Variants in AHCTF1 observed in about 807,000 individuals in gnomAD.
The protein encoded by AHCTF1 is protein ELYS.
A neutral mutation model predicts 248.4 loss-of-function variants in AHCTF1; 24 were observed. That is an observed-to-expected ratio of 0.10 (90% CI 0.07 to 0.14). AHCTF1 has a LOEUF of 0.14. Ranked by LOEUF, AHCTF1 falls within the 10% of genes least tolerant of loss-of-function variation. The pLI is 1.00. For synonymous variants in AHCTF1, 786 were observed against 929.8 expected, an observed-to-expected ratio of 0.85 and a Z score of 2.81; for missense variants, 2,206 against 2,636.2, an observed-to-expected ratio of 0.84 and a Z score of 3.57.
intron 24 of AHCTF1, 129 bp downstream of exon 24, chr1:246,875,908 A>G (rs1662923481): frequency 2.3e-6 from 2 of 875,244 alleles, no homozygotes; most frequent in Admixed American, 3.2e-5. Flanking sequence ...GAACCAAACC[A>G]GCAATATCTC....
chr1:246,894,756 G>A lies in AHCTF1; in HGVS notation c.1715-8C>T, dbSNP rs1664448585. On this transcript the variant is annotated splice_region_variant and splice_polypyrimidine_tract_variant and intron_variant, in intron 13 of 35. Transcript: ENST00000648844. ...TGGCAGAATTTGGTTGTTCTTATTTGTAAATACAAAAGGGAAAAAATAAAG... is the reference window on the plus strand; with the variant it reads ...TGGCAGAATTTGGTTGTTCTTATTTATAAATACAAAAGGGAAAAAATAAAG... 1 of 1,609,440 alleles carries A rather than the reference G, an allele frequency of 6.2e-7. No homozygotes were observed. The highest frequency in any genetic ancestry group is 8.5e-7 in the Non-Finnish European group (1 of 1,175,998).
At chr1:246,885,364 A>G in intron 21 of AHCTF1, 129 bp downstream of exon 21, 1 of 694,960 alleles carries the variant, frequency 1.4e-6, no homozygotes, top group Non-Finnish European at 2.3e-6. Flanking sequence ...TTTGATGCAG[A>G]ACCCACTAAT....
At chr1:246,920,004 G>C (rs187607280) in intron 1 of AHCTF1, among the ~76,000 whole-genome samples, 1 of 151,296 alleles carries the variant, frequency 6.6e-6, no homozygotes, top group African/African-American at 2.4e-5. Context: ...TTAGCCGGGC[G>C]TGGAGGCATA....
chr1:246,861,240 G>A lies in AHCTF1; in HGVS notation c.3791C>T (p.Pro1264Leu). 2 of 1,613,120 alleles carry A rather than the reference G, an allele frequency of 1.2e-6. No homozygotes were observed. The highest frequency in any genetic ancestry group is 8.5e-7 in the Non-Finnish European group (1 of 1,179,578). ...VFTTPKKCAV[P>L]VETEWLKSKD... is the part of the protein sequence containing the mutation. The stretch of plus-strand genomic sequence containing the variant: ...GCTCTTCAGCCATTCAGTTTCCACT[G>A]GAACTGCACATTTTTTAGGTGTAGT... The change falls in exon 29 of 36, where the codon CCA (proline) becomes CTA (leucine). Residue 1264 changes from proline (P) to leucine (L), a missense_variant. Physicochemically the swap from Pro to Leu is moderately conservative, Grantham distance 98 (BLOSUM62 -3). Transcript: ENST00000648844.
At chr1:246,875,536 T>G (rs1233062555) in intron 24 of AHCTF1, among the ~76,000 whole-genome samples, 1 of 152,190 alleles carries the variant, frequency 6.6e-6, no homozygotes, top group Non-Finnish European at 1.5e-5. Flanking sequence ...TATCAAATGG[T>G]ATCACATGCT....
intron 3 of AHCTF1, among the ~76,000 whole-genome samples, chr1:246,914,294 C>T (rs1290000806): frequency 6.6e-6 from 1 of 152,208 alleles, no homozygotes; most frequent in African/African-American, 2.4e-5. Context: ...TAAAACACTT[C>T]TAGTCCCAGG....
chr1:246,931,309 A>C (rs1423250886), intron 1 of AHCTF1: 11 of 1,546,802 alleles, frequency 7.1e-6, no homozygotes, highest in Admixed American at 3.9e-5. Context: ...GCGAACCACC[A>C]GCGCCGCTCC....
At chr1:246,845,055 G>T (rs759700229) in intron 33 of AHCTF1, among the ~76,000 whole-genome samples, 1 of 152,154 alleles carries the variant, frequency 6.6e-6, no homozygotes, top group Non-Finnish European at 1.5e-5. Flanking sequence ...AGGGTAGGTG[G>T]TAAGTGCTCT....
chr1:246,875,924 C>T (rs1662925085), intron 24 of AHCTF1, 113 bp downstream of exon 24: 5 of 973,406 alleles, frequency 5.1e-6, no homozygotes, highest in African/African-American at 1.7e-5. Context: ...ATCTCCAAGG[C>T]ATGCCTGTAT....
At chr1:246,892,331 T>G (rs1359885330) in intron 14 of AHCTF1, among the ~76,000 whole-genome samples, 4 of 91,962 alleles carry the variant, frequency 4.3e-5, no homozygotes, top group African/African-American at 2.2e-4. Context: ...TTTTTTTTTT[T>G]GGAGACAGCA....
At position 246,857,964 on chromosome 1, in the gene AHCTF1, C is replaced by CTTCTTT. The variant is rs111386980; in HGVS notation, c.4133-151_4133-150insAAAGAA. The stretch of plus-strand genomic sequence containing the variant: ...GTTATCAGACTGCTAACACTTTCTT[C>CTTCTTT]TTTTTTTTTTTTTGAGATGGAGTCT... On this transcript the variant is annotated intron_variant, in intron 29 of 35. Transcript: ENST00000648844. The CTTCTTT allele has an allele frequency of 1.9e-3, 927 of 490,972 alleles. 7 individuals are homozygous for CTTCTTT. Among genetic ancestry groups the CTTCTTT allele is most frequent in the Middle Eastern group, 2.4e-3 (4 of 1,636 alleles). The allele number at this position is 490,972 out of a possible 1,614,324, so 30.4% of individuals were successfully genotyped here.
intron 4 of AHCTF1, among the ~76,000 whole-genome samples, chr1:246,908,680 G>T (rs1665566589): frequency 6.8e-6 from 1 of 146,980 alleles, no homozygotes; most frequent in Admixed American, 6.8e-5. Flanking sequence ...AAGGTCAGGA[G>T]ATTGAGACCA....
At chr1:246,855,653 T>C (rs1309313115) in intron 31 of AHCTF1, 77 bp downstream of exon 31, 1 of 1,154,938 alleles carries the variant, frequency 8.7e-7, no homozygotes, top group African/African-American at 1.6e-5. Flanking sequence ...AATAGATTAT[T>C]TTGTTCTAAG....
Position 246,902,729 on chromosome 1 carries a change from CTAAAAT to C in AHCTF1, c.967-60_967-55del, listed in dbSNP as rs1665094261. 123 of 1,450,416 alleles carry C rather than the reference CTAAAAT, an allele frequency of 8.5e-5. 1 individual carries two copies. The South Asian group carries it at 1.8e-3, about 21-fold the overall frequency. The allele number at this position is 1,450,416 out of a possible 1,614,324, so 89.8% of individuals were successfully genotyped here. A position where few individuals can be genotyped will look rare whatever the true frequency, so the allele number is the denominator to read the frequency against. On this transcript the variant is annotated intron_variant, in intron 7 of 35. Transcript: ENST00000648844. Reference sequence around the variant, plus strand: ...ATCTGATTCTAGGCAAAAAGTCACTCTAAAATTAAATATTCTCCAAATTTAAAGATT... The same window carrying C: ...ATCTGATTCTAGGCAAAAAGTCACTCTAAATATTCTCCAAATTTAAAGATT...
At chr1:246,847,555 G>A (rs947973616) in intron 33 of AHCTF1, among the ~76,000 whole-genome samples, 3 of 151,986 alleles carry the variant, frequency 2.0e-5, no homozygotes, top group Admixed American at 6.6e-5. Flanking sequence ...TGGAGTGCAG[G>A]GGCACACGAT....
At chr1:246,881,115 C>G (rs1228001838) in intron 21 of AHCTF1, among the ~76,000 whole-genome samples, 2 of 152,066 alleles carry the variant, frequency 1.3e-5, no homozygotes, top group African/African-American at 4.8e-5. Flanking sequence ...CCACTGATTT[C>G]TAGTGACTGG....
chr1:246,913,200 C>A, intron 4 of AHCTF1, 32 bp downstream of exon 4: 1 of 1,499,778 alleles, frequency 6.7e-7, no homozygotes, highest in Non-Finnish European at 9.0e-7. Flanking sequence ...TCCAGGTGCT[C>A]CATTTTTGGT....
In AHCTF1 at chr1:246,849,889, C is replaced by A. The variant is rs150761910; in HGVS notation, c.6117G>T (p.Ser2039=). 33 of 1,613,802 alleles carry A rather than the reference C, an allele frequency of 2.0e-5. No homozygotes were observed. The African/African-American group carries it at 4.0e-4, about 20-fold the overall frequency. The stretch of plus-strand genomic sequence containing the variant: ...GTTTTTTCTTAGAGCTCATCACCAT[C>A]GAAAGTTCCTCGTTTGGCACTAAAA... The part of the protein sequence containing the change: ...KSILVPNEEL[S]MVMSSKKKLT... The change falls in exon 33 of 36, where the codon TCG becomes TCT. Residue 2039 remains serine (S), a synonymous_variant. Transcript: ENST00000648844.
At chr1:246,898,827 C>A (rs1664788584) in intron 11 of AHCTF1, among the ~76,000 whole-genome samples, 1 of 152,240 alleles carries the variant, frequency 6.6e-6, no homozygotes, top group Non-Finnish European at 1.5e-5. Flanking sequence ...GTGGCTCACG[C>A]TCATAATCCC....
Sources: gnomAD v4.1 joint callset for allele counts (sites outside exome capture counted in the v4.1 genomes callset) on GRCh38, gnomAD v4.1.1 for gene constraint, MANE v1.5 for transcripts, NCBI Gene and HGNC (gene_info 2026-07-23, HGNC 2026-07-21) for gene names.